Variants in HDAC9 observed in about 807,000 individuals in gnomAD.
The protein encoded by HDAC9 is MEF-2 interacting transcription repressor (MITR) protein.
A neutral mutation model predicts 139.4 loss-of-function variants in HDAC9; 41 were observed. The observed-to-expected ratio is 0.29, with a 90% CI of 0.23 to 0.38. The LOEUF (loss-of-function observed/expected upper bound fraction) is 0.38, where lower values mean the gene tolerates loss of function less well. Among genes scored for constraint, HDAC9 ranks in the 10% least tolerant of loss-of-function variants. The pLI is 1.00. For synonymous variants in HDAC9, 517 were observed against 476.2 expected (o/e 1.09, Z -1.12); for missense variants, 1,147 against 1,297.0 (o/e 0.88, Z 1.78).
chr7:18,497,187 G>A (rs535811140), intron 2 of HDAC9, among the ~76,000 whole-genome samples: 2 of 152,196 alleles, frequency 1.3e-5, no homozygotes, highest in South Asian at 2.1e-4. Context: ...AAAGCTTTGG[G>A]AACTCTTTGT....
intron 1 of HDAC9, among the ~76,000 whole-genome samples, chr7:18,365,988 A>G (rs2128695361): frequency 6.6e-6 from 1 of 151,848 alleles, no homozygotes; most frequent in South Asian, 2.1e-4. Context: ...TCTATTAAAA[A>G]TTGTTTTCTG....
chr7:18,406,836 G>C (rs1389866649), intron 1 of HDAC9, among the ~76,000 whole-genome samples: 1 of 151,078 alleles, frequency 6.6e-6, no homozygotes, highest in Non-Finnish European at 1.5e-5. Flanking sequence ...TCTTTTTCTA[G>C]TTATTAAAAA....
chr7:18,377,435 C>A (rs536043522), intron 1 of HDAC9, among the ~76,000 whole-genome samples: 2 of 152,252 alleles, frequency 1.3e-5, no homozygotes, highest in East Asian at 3.9e-4. Flanking sequence ...TTTTTCTAGT[C>A]AGTAGTATTT....
intron 11 of HDAC9, among the ~76,000 whole-genome samples, chr7:18,656,024 A>T (rs1385885728): frequency 6.6e-6 from 1 of 151,794 alleles, no homozygotes. Flanking sequence ...GTAGACATGA[A>T]AACTGCCAGT....
intron 1 of HDAC9, among the ~76,000 whole-genome samples, chr7:18,435,588 CTTT>C (rs1448591817): frequency 6.6e-6 from 1 of 151,536 alleles, no homozygotes; most frequent in Non-Finnish European, 1.5e-5. Context: ...TAGCCATTGA[CTTT>C]TTGTTTTTTA....
intron 1 of HDAC9, among the ~76,000 whole-genome samples, chr7:18,105,680 T>G (rs1783147868): frequency 6.6e-6 from 1 of 151,770 alleles, no homozygotes; most frequent in African/African-American, 2.4e-5. Context: ...CAGAAAACAA[T>G]TTTGGTAGTT....
At chr7:18,478,437 G>T (rs1795296345) in intron 1 of HDAC9, among the ~76,000 whole-genome samples, 1 of 152,174 alleles carries the variant, frequency 6.6e-6, no homozygotes, top group African/African-American at 2.4e-5. Flanking sequence ...CAGGATGATG[G>T]GCTGCGCATT....
chr7:18,590,952 C>G (rs1001995250), intron 4 of HDAC9, among the ~76,000 whole-genome samples: 4 of 152,148 alleles, frequency 2.6e-5, no homozygotes, highest in African/African-American at 9.7e-5. Flanking sequence ...AAGAGGGAGA[C>G]AGATCCAAAT....
chr7:18,343,094 C>T (rs1224643695), intron 1 of HDAC9, among the ~76,000 whole-genome samples: 4 of 151,756 alleles, frequency 2.6e-5, no homozygotes, highest in Non-Finnish European at 5.9e-5. Flanking sequence ...CGGTACCCTC[C>T]TGTATAAAAT....
intron 2 of HDAC9, among the ~76,000 whole-genome samples, chr7:18,278,540 A>G (rs1040620504): frequency 5.3e-5 from 8 of 152,228 alleles, no homozygotes; most frequent in Non-Finnish European, 1.2e-4. Flanking sequence ...TATAATACAG[A>G]CTTTTCCCTA....
intron 11 of HDAC9, among the ~76,000 whole-genome samples, chr7:18,657,194 T>C (rs1791516015): frequency 6.6e-6 from 1 of 152,114 alleles, no homozygotes; most frequent in South Asian, 2.1e-4. Flanking sequence ...GTCAGAGGGG[T>C]AATTTGCAAA....
intron 6 of HDAC9, among the ~76,000 whole-genome samples, chr7:18,595,637 G>T (rs1832267377): frequency 6.6e-6 from 1 of 151,998 alleles, no homozygotes; most frequent in African/African-American, 2.4e-5. Flanking sequence ...ATGGCAGGAG[G>T]TTACTGATGA....
intron 17 of HDAC9, among the ~76,000 whole-genome samples, chr7:18,815,908 A>G (rs1794529106): frequency 6.6e-6 from 1 of 152,156 alleles, no homozygotes; most frequent in Non-Finnish European, 1.5e-5. Flanking sequence ...CTTTGTGAAA[A>G]TTCCCTCCCT....
At chr7:18,105,684 G>A (rs530025587) in intron 1 of HDAC9, among the ~76,000 whole-genome samples, 1 of 151,414 alleles carries the variant, frequency 6.6e-6, no homozygotes, top group Non-Finnish European at 1.5e-5. Context: ...AAACAATTTT[G>A]GTAGTTCCTC....
intron 6 of HDAC9, among the ~76,000 whole-genome samples, chr7:18,600,154 T>A (rs994768043): frequency 3.3e-5 from 5 of 152,124 alleles, no homozygotes; most frequent in Non-Finnish European, 7.4e-5. Context: ...TTGGTTTTTT[T>A]CTCATTGTTG....
chr7:18,635,089 C>G (rs1402458002), intron 8 of HDAC9, among the ~76,000 whole-genome samples: 2 of 151,694 alleles, frequency 1.3e-5, no homozygotes, highest in Admixed American at 1.3e-4. Flanking sequence ...AAATGTAATC[C>G]TCAGTCAAAC....
chr7:18,859,663 G>A (rs1797942165), intron 21 of HDAC9, among the ~76,000 whole-genome samples: 1 of 151,288 alleles, frequency 6.6e-6, no homozygotes, highest in African/African-American at 2.4e-5. Flanking sequence ...TCCTTGAAAA[G>A]GATGTCATGC....
At chr7:18,095,292 C>T (rs949487338) in intron 1 of HDAC9, among the ~76,000 whole-genome samples, 4 of 152,000 alleles carry the variant, frequency 2.6e-5, no homozygotes, top group South Asian at 2.1e-4. Context: ...GCTATGTTTT[C>T]GCAGGCTTAC....
chr7:18,863,116 A>G (rs1224513882), intron 21 of HDAC9, among the ~76,000 whole-genome samples: 2 of 152,238 alleles, frequency 1.3e-5, no homozygotes, highest in Admixed American at 1.3e-4. Context: ...GCAAAGGCTC[A>G]TAAACAGTGA....
Sources: allele counts gnomAD v4.1 joint callset (sites outside exome capture counted in the v4.1 genomes callset), GRCh38; gene constraint gnomAD v4.1.1; transcripts MANE v1.5; gene names NCBI Gene and HGNC (gene_info 2026-07-23, HGNC 2026-07-21).